Variants in SGSM2 observed in about 807,000 individuals in gnomAD.
SGSM2 encodes small G protein signaling modulator 2.
SGSM2 carries 89 observed loss-of-function variants against 126.6 expected under a neutral mutation model. The ratio of observed to expected loss-of-function variants is 0.70; its 90% CI spans 0.59 to 0.84. SGSM2 has a LOEUF of 0.84. SGSM2 is among the 40% of genes least tolerant of loss of function. The probability of loss-of-function intolerance (pLI) is 0.00; values close to 1 mark genes in which losing one functional copy is unlikely to be tolerated. For missense variants in SGSM2, 1,404 were observed against 1,416.6 expected (o/e 0.99, Z 0.14); for synonymous variants, 614 against 574.3 (o/e 1.07, Z -0.99).
rs2066384547 is a variant in SGSM2 at position 2,381,026 on chromosome 17, AACAG to A, written c.*1509_*1512del. ...CCTCAGAAACTATACTCTTCTGTGT[AACAG>A]ACCAATAAACAACATTTGTCAACAC... On this transcript the variant is annotated 3_prime_UTR_variant, in exon 24 of 24. Coordinates refer to ENST00000268989, the MANE Select transcript of SGSM2 (RefSeq NM_014853.3). The A allele has an allele frequency of 6.6e-6, 1 of 152,442 alleles. No homozygotes were observed. Among genetic ancestry groups the A allele is most frequent in the Non-Finnish European group, 1.5e-5 (1 of 68,212 alleles). 9.4% of individuals were successfully genotyped at this position (152,442 alleles called of 1,614,324 possible). A position where few individuals can be genotyped will look rare whatever the true frequency, so the allele number is the denominator to read the frequency against.
rs757717631 is a variant in SGSM2, at chr17:2,361,813, C to A, written c.296+14C>A. 22 of 1,586,420 alleles carry A rather than the reference C, an allele frequency of 1.4e-5. No individual in the cohort carries two copies. Among genetic ancestry groups the A allele is most frequent in the Non-Finnish European group, 1.8e-5 (21 of 1,166,736 alleles). ...AGCAGAGGGCAGGTGAGCCCTGGGC[C>A]AGCCCCTTCTTCCCTCCTTTCAGCT... is the stretch of plus-strand genomic sequence containing the variant. On this transcript the variant is annotated intron_variant, in intron 3 of 23. Coordinates refer to ENST00000268989, the MANE Select transcript of SGSM2 (RefSeq NM_014853.3).
rs1415228954 is a variant in SGSM2, at chr17:2,363,926, C to T, written c.808-133C>T. 1.3e-5 allele frequency: 14 copies of T among 1,086,760 alleles called. No homozygotes were observed. Among genetic ancestry groups the T allele is most frequent in the Admixed American group, 6.0e-5 (3 of 49,706 alleles). 67.3% of individuals were successfully genotyped at this position (1,086,760 alleles called of 1,614,324 possible). On this transcript the variant is annotated intron_variant, in intron 7 of 23. Transcript: ENST00000268989. This position sits in a 1 kb window ranked among gnomAD's most constrained non-coding sequence, Gnocchi z 4.2. ...GTCCTGTTTTCCTGTGCTTCTGCCC[C>T]GTCCCTAGTCCAGGACCCCGTGACT... is the stretch of plus-strand genomic sequence containing the variant.
intron 2 of SGSM2, among the ~76,000 whole-genome samples, chr17:2,353,489 A>C (rs1322864899): frequency 6.6e-6 from 1 of 152,206 alleles, no homozygotes; most frequent in African/African-American, 2.4e-5. Context: ...GGGGCCGGGC[A>C]CATTGGCTCA....
In SGSM2 at chr17:2,361,790, C is replaced by T. The variant is rs1213248328; in HGVS notation, c.287C>T (p.Ala96Val). The T allele has an allele frequency of 3.1e-6, 5 of 1,606,380 alleles. No homozygotes were observed. The highest frequency in any genetic ancestry group is 4.2e-6 in the Non-Finnish European group (5 of 1,176,580). ...AAGGTACAGGAGCTGCAGCAACAAG[C>T]AGAGGGCAGGTGAGCCCTGGGCCAG... is the stretch of plus-strand genomic sequence containing the variant. ...CHKVQELQQQ[A>V]EGRKPSGVSQ... The change falls in exon 3 of 24, where the codon GCA becomes GTA. Residue 96 changes from alanine to valine, a missense_variant. By Grantham distance (64) the Ala-to-Val change is moderately conservative. Transcript: ENST00000268989.
intron 17 of SGSM2, chr17:2,374,540 G>A (rs59977917): frequency 0.045 from 6,802 of 152,178 alleles, 206 homozygotes; most frequent in South Asian, 0.094. Flanking sequence ...TACCACCACT[G>A]TACTCTAGCC....
chr17:2,369,494 C>G (rs927554693), intron 12 of SGSM2, among the ~76,000 whole-genome samples: 9 of 152,200 alleles, frequency 5.9e-5, no homozygotes, highest in Admixed American at 1.3e-4. Flanking sequence ...CCCCCCTCCC[C>G]CCGTCCAGCC....
intron 13 of SGSM2, 118 bp downstream of exon 13, chr17:2,371,533 T>G: frequency 7.8e-7 from 1 of 1,288,860 alleles, no homozygotes. Context: ...GTGGGACAGA[T>G]CTGGGTTCAA....
At position 2,373,443 on chromosome 17, in the gene SGSM2, TCTC is replaced by T. The variant is rs1415988786; in HGVS notation, c.2034_2036del (p.Ser679del). The stretch of plus-strand genomic sequence containing the variant: ...GCCCACCCAGCCACACGCACCAAGT[TCTC>T]CTCAGGCAGCAGCATCGACAGCCAC... On this transcript the variant is annotated inframe_deletion, in exon 17 of 24. Coordinates refer to ENST00000268989, the MANE Select transcript of SGSM2 (RefSeq NM_014853.3). 2.0e-5 allele frequency: 33 copies of T among 1,610,100 alleles called. 1 individual carries two copies. The Middle Eastern group carries it at 6.6e-4, about 32-fold the overall frequency.
chr17:2,373,592 C>T, intron 17 of SGSM2, 79 bp downstream of exon 17: 3 of 1,349,070 alleles, frequency 2.2e-6, no homozygotes, highest in Non-Finnish European at 3.0e-6. Context: ...GAGCACCAGC[C>T]TGACCTCTGG....
chr17:2,338,456 C>A (rs2064188126), intron 1 of SGSM2, among the ~76,000 whole-genome samples: 1 of 152,122 alleles, frequency 6.6e-6, no homozygotes, highest in Non-Finnish European at 1.5e-5. Flanking sequence ...GGGGCAGTGA[C>A]CATGTGAATG....
rs768176977 is a variant in SGSM2 at position 2,371,277 on chromosome 17, T to C, written c.1439T>C (p.Ile480Thr). Residue 480 changes from isoleucine to threonine, a missense_variant, in exon 13 of 24, where the codon ATC (isoleucine) becomes ACC (threonine). Coordinates refer to ENST00000268989, the MANE Select transcript of SGSM2 (RefSeq NM_014853.3). ...CTGCCCGCAGACGCTGGTGACATGA[T>C]CGAGATGCAGGGCTTTGGGCCCAGC... ...PNPMKDAGDM[I>T]EMQGFGPSLP... 5 of 1,611,912 alleles carry C rather than the reference T, an allele frequency of 3.1e-6. No homozygotes were observed. The highest frequency in any genetic ancestry group is 1.7e-4 in the Middle Eastern group (1 of 5,872).
chr17:2,339,122 G>A (rs1328801849), intron 1 of SGSM2, among the ~76,000 whole-genome samples: 2 of 151,584 alleles, frequency 1.3e-5, no homozygotes, highest in African/African-American at 4.9e-5. Context: ...GAAGCGTCTG[G>A]ACTCTCATAA....
intron 11 of SGSM2, 124 bp downstream of exon 11, chr17:2,365,465 T>TAGG: frequency 3.4e-6 from 4 of 1,160,774 alleles, no homozygotes; most frequent in Non-Finnish European, 4.7e-6. Context: ...CACCAGAGGC[T>TAGG]CATCGCCTAG....
intron 1 of SGSM2, among the ~76,000 whole-genome samples, chr17:2,340,786 A>T (rs113726801): frequency 3.4e-4 from 51 of 151,754 alleles, no homozygotes; most frequent in Non-Finnish European, 5.7e-4. Flanking sequence ...GGGTTTCACC[A>T]TGTTAGCCAG....
At chr17:2,344,136 G>A (rs1413660490) in intron 2 of SGSM2, among the ~76,000 whole-genome samples, 5 of 152,200 alleles carry the variant, frequency 3.3e-5, no homozygotes, top group Admixed American at 1.3e-4. Context: ...GAGCCTGAGC[G>A]TGGGCTAGGA....
chr17:2,340,393 C>T (rs913069684), intron 1 of SGSM2, among the ~76,000 whole-genome samples: 1 of 151,916 alleles, frequency 6.6e-6, no homozygotes, highest in Non-Finnish European at 1.5e-5. Context: ...TGAGCCACTG[C>T]GACCGCCAGG....
At chr17:2,344,274 C>G (rs1259614443) in intron 2 of SGSM2, among the ~76,000 whole-genome samples, 1 of 152,194 alleles carries the variant, frequency 6.6e-6, no homozygotes, top group Non-Finnish European at 1.5e-5. Flanking sequence ...AGCCTGAAGA[C>G]TTTTGCTTTG....
chr17:2,337,823 C>A lies in SGSM2; in HGVS notation c.57+78C>A. On this transcript the variant is annotated intron_variant, in intron 1 of 23. Transcript: ENST00000268989. The surrounding 1 kb of genome is among the most constrained non-coding windows in gnomAD (Gnocchi z 5.1). The stretch of plus-strand genomic sequence containing the variant: ...AGGGGGCAGAAAGGTCCGCGCCCAC[C>A]CCCCGGCGCGGGCACCCGGGCCGAA... 8.6e-7 allele frequency: 1 copy of A among 1,164,456 alleles called. No homozygotes were observed. Among genetic ancestry groups the A allele is most frequent in the Non-Finnish European group, 1.1e-6 (1 of 876,966 alleles). 72.1% of individuals were successfully genotyped at this position (1,164,456 alleles called of 1,614,324 possible). A position where few individuals can be genotyped will look rare whatever the true frequency, so the allele number is the denominator to read the frequency against.
At position 2,363,759 on chromosome 17, in the gene SGSM2, G is replaced by C; in HGVS notation, c.807+160G>C. ...CCCTGTTTCACACGACTCACGCCCA[G>C]CCTTTAGTTGGCAGGGGACAGGAAT... On this transcript the variant is annotated intron_variant, in intron 7 of 23. Coordinates refer to ENST00000268989, the MANE Select transcript of SGSM2 (RefSeq NM_014853.3). The surrounding 1 kb of genome is among the most constrained non-coding windows in gnomAD (Gnocchi z 4.2). The C allele has an allele frequency of 2.6e-6, 3 of 1,136,538 alleles. No individual in the cohort carries two copies. The highest frequency in any genetic ancestry group is 3.7e-6 in the Non-Finnish European group (3 of 814,888). The allele number at this position is 1,136,538 out of a possible 1,614,324, so 70.4% of individuals were successfully genotyped here. A position where few individuals can be genotyped will look rare whatever the true frequency, so the allele number is the denominator to read the frequency against.
Sources: allele counts gnomAD v4.1 joint callset (sites outside exome capture counted in the v4.1 genomes callset), GRCh38; gene constraint gnomAD v4.1.1; non-coding constraint Gnocchi (gnomAD v3.1); transcripts MANE v1.5; gene names NCBI Gene and HGNC (gene_info 2026-07-23, HGNC 2026-07-21).